Variants in ANKS3 observed in about 807,000 individuals in gnomAD.
The protein encoded by ANKS3 is ankyrin repeat and sterile alpha motif domain containing 3.
ANKS3 carries 62 observed loss-of-function variants against 80.7 expected under a neutral mutation model. That is an observed-to-expected ratio of 0.77 (90% CI 0.63 to 0.95). ANKS3 has a LOEUF of 0.95. Ranked by LOEUF, ANKS3 falls within the 40% of genes least tolerant of loss-of-function variation. The probability of loss-of-function intolerance (pLI) is 0.00; values close to 1 mark genes in which losing one functional copy is unlikely to be tolerated. For synonymous variants in ANKS3, 489 were observed against 355.3 expected, an observed-to-expected ratio of 1.38 and a Z score of -4.23; for missense variants, 1,150 against 883.6, an observed-to-expected ratio of 1.30 and a Z score of -3.82.
chr16:4,698,659 G>T (rs1218005249), intron 13 of ANKS3, 60 bp from the exon 14 acceptor site: 1 of 1,528,648 alleles, frequency 6.5e-7, no homozygotes, highest in African/African-American at 1.4e-5. Flanking sequence ...CAGACCCTTG[G>T]CCACGGCCCT....
At chr16:4,697,842 G>A in intron 15 of ANKS3, 135 bp downstream of exon 15, 1 of 857,770 alleles carries the variant, frequency 1.2e-6, no homozygotes, top group Non-Finnish European at 1.7e-6. Context: ...TTGGACTCTG[G>A]GATCATGTGC....
chr16:4,712,313 G>C (rs2080537193), intron 7 of ANKS3, among the ~76,000 whole-genome samples: 1 of 152,072 alleles, frequency 6.6e-6, no homozygotes, highest in Non-Finnish European at 1.5e-5. Context: ...GGAGGTTGCG[G>C]AGGTTGCAGT....
intron 15 of ANKS3, 90 bp downstream of exon 15, chr16:4,697,887 G>A (rs1173032589): frequency 3.3e-6 from 4 of 1,218,974 alleles, no homozygotes; most frequent in Non-Finnish European, 4.5e-6. Context: ...GCCGGCCGGA[G>A]AACCAGGCCA....
chr16:4,733,585 C>A (rs2081779948), intron 1 of ANKS3, among the ~76,000 whole-genome samples: 1 of 152,048 alleles, frequency 6.6e-6, no homozygotes, highest in Non-Finnish European at 1.5e-5. Context: ...AGTGAGCCAC[C>A]GCGCCCGGCT....
At chr16:4,721,220 G>C (rs187454405) in intron 6 of ANKS3, among the ~76,000 whole-genome samples, 3 of 148,330 alleles carry the variant, frequency 2.0e-5, no homozygotes, top group African/African-American at 7.4e-5. Context: ...CAGGAGAATG[G>C]TGTGAACCCG....
At chr16:4,724,712 C>T (rs371151730) in intron 6 of ANKS3, 38 bp downstream of exon 6, 56 of 1,570,808 alleles carry the variant, frequency 3.6e-5, no homozygotes, top group South Asian at 3.4e-5. Context: ...CCTCATTTGC[C>T]GTGACTACAT....
rs2079733927 is a variant in ANKS3 at position 4,698,787 on chromosome 16, C to T, written c.1551+13G>A. 4.4e-6 allele frequency: 7 copies of T among 1,597,712 alleles called. No homozygotes were observed. Among genetic ancestry groups the T allele is most frequent in the Non-Finnish European group, 6.0e-6 (7 of 1,172,702 alleles). On this transcript the variant is annotated intron_variant, in intron 13 of 17. Transcript: ENST00000304283. ...TGTCACCCTGCCCCCCCATCCCCCACCCAGCCACTCACCTTGTGCAGCTGG... is the reference window on the plus strand; with the variant it reads ...TGTCACCCTGCCCCCCCATCCCCCATCCAGCCACTCACCTTGTGCAGCTGG...
chr16:4,726,970 G>C lies in ANKS3; in HGVS notation c.369+9C>G. On this transcript the variant is annotated intron_variant, in intron 4 of 17. Coordinates refer to ENST00000304283, the MANE Select transcript of ANKS3 (RefSeq NM_133450.4). The stretch of plus-strand genomic sequence containing the variant: ...CAGGTTTCTGGGCCTGAGTTCCCTC[G>C]TAGCTCACCTGGAGAAGAAAGTAGG... The C allele has an allele frequency of 6.2e-7, 1 of 1,613,872 alleles. No homozygotes were observed. The highest frequency in any genetic ancestry group is 2.2e-5 in the East Asian group (1 of 44,888).
chr16:4,710,217 G>C (rs530413179), intron 7 of ANKS3, among the ~76,000 whole-genome samples: 18 of 152,104 alleles, frequency 1.2e-4, no homozygotes, highest in Non-Finnish European at 2.4e-4. Context: ...GTGACTATAC[G>C]GAACAACAGC....
chr16:4,712,197 C>T (rs555623737), intron 7 of ANKS3, among the ~76,000 whole-genome samples: 2 of 151,836 alleles, frequency 1.3e-5, no homozygotes, highest in East Asian at 3.9e-4. Flanking sequence ...ATGGTGAAAC[C>T]CCGTCTCTAC....
At position 4,696,692 on chromosome 16, in the gene ANKS3, T is replaced by G. The variant is rs992160526; in HGVS notation, c.*216A>C. 71 of 405,168 alleles carry G rather than the reference T, an allele frequency of 1.8e-4. No individual in the cohort carries two copies. Among genetic ancestry groups the G allele is most frequent in the Admixed American group, 6.0e-4 (16 of 26,480 alleles). 25.1% of individuals were successfully genotyped at this position (405,168 alleles called of 1,614,324 possible). A position where few individuals can be genotyped will look rare whatever the true frequency, so the allele number is the denominator to read the frequency against. ...CTGGGCCTCACCACGAGGTTCTGGG[T>G]GAGGCCCTCGTCCCGCCTCAGTGCT... On this transcript the variant is annotated 3_prime_UTR_variant, in exon 18 of 18. Coordinates refer to ENST00000304283, the MANE Select transcript of ANKS3 (RefSeq NM_133450.4).
At position 4,724,845 on chromosome 16, in the gene ANKS3, G is replaced by C; in HGVS notation, c.492-14C>G. 1 of 1,612,980 alleles carries C rather than the reference G, an allele frequency of 6.2e-7. No individual in the cohort carries two copies. On this transcript the variant is annotated splice_polypyrimidine_tract_variant and intron_variant, in intron 5 of 17. Transcript: ENST00000304283. Reference sequence around the variant, plus strand: ...CATATCGGCTCCCTGCAAGATGTGGGCCACAGTCAGATGATTGGAAGAGAC... The same window carrying C: ...CATATCGGCTCCCTGCAAGATGTGGCCCACAGTCAGATGATTGGAAGAGAC...
Position 4,702,300 on chromosome 16 carries a change from G to C in ANKS3, c.869-58C>G. ...AACTCCAAAGTGAAACCTCCTCAGA[G>C]GCCGAGGCCCAGGATGGAGGCAGGT... On this transcript the variant is annotated intron_variant, in intron 8 of 17. Transcript: ENST00000304283. 8 of 1,404,622 alleles carry C rather than the reference G, an allele frequency of 5.7e-6. No homozygotes were observed. The South Asian group carries it at 1.3e-4, about 23-fold the overall frequency. The allele number at this position is 1,404,622 out of a possible 1,614,324, so 87.0% of individuals were successfully genotyped here.
At position 4,722,842 on chromosome 16, in the gene ANKS3, T is replaced by A. The variant is rs141001715; in HGVS notation, c.573+1908A>T. On this transcript the variant is annotated intron_variant, in intron 6 of 17. Transcript: ENST00000304283. ...CTGAGGCAGAAGAACTGCTTGAACTTGGGAGGTAGAGGTTGCAGTGAGCCG... is the reference window on the plus strand; with the variant it reads ...CTGAGGCAGAAGAACTGCTTGAACTAGGGAGGTAGAGGTTGCAGTGAGCCG... Among the ~76,000 whole-genome samples the A allele has an allele frequency of 1.1e-3, 167 of 150,360 alleles. 2 individuals carry two copies. The East Asian group carries it at 0.024, about 22-fold the overall frequency.
At chr16:4,698,334 G>C in intron 14 of ANKS3, 93 bp downstream of exon 14, 2 of 1,417,290 alleles carry the variant, frequency 1.4e-6, no homozygotes, top group Middle Eastern at 2.3e-4. Context: ...CCACCCCTCA[G>C]TTACAAAATC....
At chr16:4,697,933 C>T (rs1337360838) in intron 15 of ANKS3, 44 bp downstream of exon 15, 4 of 1,463,590 alleles carry the variant, frequency 2.7e-6, no homozygotes, top group South Asian at 2.8e-5. Context: ...AGGGCTCCCC[C>T]ACCTTCCCCT....
intron 5 of ANKS3, among the ~76,000 whole-genome samples, chr16:4,726,017 C>CCAG (rs2081330982): frequency 6.7e-6 from 1 of 149,178 alleles, no homozygotes. Context: ...GCTCTGTCAC[C>CCAG]CAGGCTGGAG....
In ANKS3 at chr16:4,728,705, C is replaced by T. The variant is rs559732491; in HGVS notation, c.170+1275G>A. On this transcript the variant is annotated intron_variant, in intron 3 of 17. Transcript: ENST00000304283. ...TGTCAAAATCCCATCACAACACAAACGCCTCCCCCTGCTCCTCTATGGAGC... is the reference window on the plus strand; with the variant it reads ...TGTCAAAATCCCATCACAACACAAATGCCTCCCCCTGCTCCTCTATGGAGC... Among the ~76,000 whole-genome samples, 8 of 152,136 alleles carry T rather than the reference C, an allele frequency of 5.3e-5. No individual in the cohort carries two copies. The East Asian group carries it at 1.4e-3, about 26-fold the overall frequency.
At chr16:4,709,609 C>T (rs777204891) in intron 7 of ANKS3, among the ~76,000 whole-genome samples, 4 of 152,126 alleles carry the variant, frequency 2.6e-5, no homozygotes, top group Non-Finnish European at 5.9e-5. Context: ...AGTTTATATA[C>T]ACAATTGAAT....
Sources: gnomAD v4.1 joint callset for allele counts (sites outside exome capture counted in the v4.1 genomes callset) on GRCh38, gnomAD v4.1.1 for gene constraint, MANE v1.5 for transcripts, NCBI Gene and HGNC (gene_info 2026-07-23, HGNC 2026-07-21) for gene names.